Variants in CFAP299 observed in about 807,000 individuals in gnomAD.
CFAP299 encodes cilia and flagella associated protein 299, also known as cilia- and flagella-associated protein 299.
A neutral mutation model predicts 27.0 loss-of-function variants in CFAP299; 21 were observed. That is an observed-to-expected ratio of 0.78 (90% CI 0.55 to 1.12). The LOEUF is 1.12. CFAP299 is among the 50% of genes most tolerant of loss of function. The pLI is 0.00. For missense variants in CFAP299, 310 were observed against 276.6 expected (o/e 1.12, Z -0.86); for synonymous variants, 104 against 98.1 (o/e 1.06, Z -0.36).
intron 5 of CFAP299, among the ~76,000 whole-genome samples, chr4:80,949,866 T>A (rs1737679813): frequency 6.6e-6 from 1 of 151,896 alleles, no homozygotes; most frequent in South Asian, 2.1e-4. Flanking sequence ...TGCAGAGAAA[T>A]AACAGGATGA....
intron 2 of CFAP299, among the ~76,000 whole-genome samples, chr4:80,369,551 A>G (rs1724028553): frequency 6.6e-6 from 1 of 152,186 alleles, no homozygotes; most frequent in Non-Finnish European, 1.5e-5. Flanking sequence ...GCGTATGAAC[A>G]GATGCCTAGG....
chr4:80,541,224 A>G (rs11947163), intron 2 of CFAP299, among the ~76,000 whole-genome samples: 2,476 of 152,294 alleles, frequency 0.016, 41 homozygotes, highest in South Asian at 0.076. Flanking sequence ...CTCCTTAGAC[A>G]TTGCAGAAGT....
chr4:80,613,459 ATTACT>A (rs1173379750), intron 3 of CFAP299, among the ~76,000 whole-genome samples: 1 of 152,120 alleles, frequency 6.6e-6, no homozygotes, highest in African/African-American at 2.4e-5. Context: ...ATAAACAAAA[ATTACT>A]TTATTTCTTT....
intron 2 of CFAP299, among the ~76,000 whole-genome samples, chr4:80,467,768 A>T (rs1291327552): frequency 2.6e-5 from 4 of 152,224 alleles, no homozygotes; most frequent in African/African-American, 9.7e-5. Flanking sequence ...AAAGAGGTTT[A>T]ATTTACTCAG....
At chr4:80,884,219 A>T (rs925549445) in intron 4 of CFAP299, among the ~76,000 whole-genome samples, 3 of 152,238 alleles carry the variant, frequency 2.0e-5, no homozygotes, top group African/African-American at 7.2e-5. Flanking sequence ...AGCAGAATAC[A>T]CATTCTTCTC....
intron 2 of CFAP299, among the ~76,000 whole-genome samples, chr4:80,486,276 C>T (rs1195351555): frequency 6.6e-6 from 1 of 152,184 alleles, no homozygotes; most frequent in Non-Finnish European, 1.5e-5. Context: ...CCTGCAAATG[C>T]CAGTAATTTC....
At chr4:80,801,748 T>C (rs1031537009) in intron 3 of CFAP299, among the ~76,000 whole-genome samples, 5 of 152,076 alleles carry the variant, frequency 3.3e-5, no homozygotes, top group Non-Finnish European at 5.9e-5. Flanking sequence ...AAATAAGCTG[T>C]TGATCACTTT....
At chr4:80,710,257 TC>T (rs1722063995) in intron 3 of CFAP299, among the ~76,000 whole-genome samples, 1 of 152,060 alleles carries the variant, frequency 6.6e-6, no homozygotes, top group African/African-American at 2.4e-5. Flanking sequence ...GATAATAGGA[TC>T]AACTTGGTCC....
chr4:80,390,113 A>G (rs1368835583), intron 2 of CFAP299, among the ~76,000 whole-genome samples: 1 of 152,076 alleles, frequency 6.6e-6, no homozygotes, highest in Non-Finnish European at 1.5e-5. Flanking sequence ...CCATCACAAT[A>G]CCTTTATTTT....
intron 3 of CFAP299, among the ~76,000 whole-genome samples, chr4:80,595,995 G>A (rs1737039788): frequency 6.6e-6 from 1 of 152,068 alleles, no homozygotes; most frequent in Non-Finnish European, 1.5e-5. Flanking sequence ...TAGTCTTTGT[G>A]AGACTCTCTT....
At chr4:80,490,514 A>G (rs1271962624) in intron 2 of CFAP299, among the ~76,000 whole-genome samples, 1 of 152,184 alleles carries the variant, frequency 6.6e-6, no homozygotes, top group African/African-American at 2.4e-5. Context: ...TTCACTGTGA[A>G]TCTCTCATAC....
intron 2 of CFAP299, among the ~76,000 whole-genome samples, chr4:80,475,912 G>T (rs1730251237): frequency 6.6e-6 from 1 of 152,186 alleles, no homozygotes; most frequent in Non-Finnish European, 1.5e-5. Context: ...CAATGAGGCT[G>T]AGTGAAAGCC....
intron 1 of CFAP299, among the ~76,000 whole-genome samples, chr4:80,351,338 C>A (rs2109984478): frequency 6.6e-6 from 1 of 152,088 alleles, no homozygotes; most frequent in South Asian, 2.1e-4. Flanking sequence ...CAGTATGAAA[C>A]AACAATAGCA....
intron 3 of CFAP299, among the ~76,000 whole-genome samples, chr4:80,669,211 A>G (rs1203868190): frequency 9.2e-6 from 1 of 108,904 alleles, no homozygotes; most frequent in Non-Finnish European, 1.7e-5. Flanking sequence ...GCCAGGCTGG[A>G]GTGCAATGGC....
At chr4:80,343,799 TAAAAAAA>T (rs35187249) in intron 1 of CFAP299, among the ~76,000 whole-genome samples, 3 of 75,356 alleles carry the variant, frequency 4.0e-5, no homozygotes, top group South Asian at 8.3e-4. Flanking sequence ...AGACTCCGTC[TAAAAAAA>T]AAAAAAAAAA....
chr4:80,790,326 G>T (rs1461094310), intron 3 of CFAP299: 2 of 151,890 alleles, frequency 1.3e-5, no homozygotes, highest in African/African-American at 4.8e-5. Flanking sequence ...AACCCTCAAA[G>T]GTCTGAAAGT....
At chr4:80,900,526 A>G (rs1336314673) in intron 4 of CFAP299, among the ~76,000 whole-genome samples, 3 of 152,142 alleles carry the variant, frequency 2.0e-5, no homozygotes, top group Non-Finnish European at 2.9e-5. Flanking sequence ...AATACGTATC[A>G]TCTAAATAAA....
intron 2 of CFAP299, among the ~76,000 whole-genome samples, chr4:80,580,533 G>A (rs1736110234): frequency 6.6e-6 from 1 of 151,922 alleles, no homozygotes; most frequent in Admixed American, 6.6e-5. Context: ...TGGTTTTGAA[G>A]CTAGGATTAG....
intron 2 of CFAP299, among the ~76,000 whole-genome samples, chr4:80,440,074 C>T (rs1728283543): frequency 6.6e-6 from 1 of 152,166 alleles, no homozygotes; most frequent in Non-Finnish European, 1.5e-5. Flanking sequence ...AGATAAAACT[C>T]CCATCTCCCT....
Sources: allele counts gnomAD v4.1 joint callset (sites outside exome capture counted in the v4.1 genomes callset), GRCh38; gene constraint gnomAD v4.1.1; transcripts MANE v1.5; gene names NCBI Gene and HGNC (gene_info 2026-07-23, HGNC 2026-07-21).